The following BDP1 variants were observed in gnomAD, a reference collection of about 807,000 sequenced individuals.
The protein encoded by BDP1 is transcription factor TFIIIB component B'' homolog.
Under a neutral mutation model 266.6 loss-of-function variants are expected in BDP1, and 169 were observed. The observed-to-expected ratio is 0.63, with a 90% CI of 0.56 to 0.72. BDP1 has a LOEUF of 0.72. Among genes scored for constraint, BDP1 ranks in the 30% least tolerant of loss-of-function variants. The probability of loss-of-function intolerance (pLI) is 0.00; values close to 1 mark genes in which losing one functional copy is unlikely to be tolerated. For synonymous variants in BDP1, 1,090 were observed against 1,022.4 expected (o/e 1.07, Z -1.26); for missense variants, 3,015 against 3,053.8 (o/e 0.99, Z 0.30).
chr5:71,563,081 A>T (rs1262961675), intron 38 of BDP1, among the ~76,000 whole-genome samples: 3 of 152,146 alleles, frequency 2.0e-5, no homozygotes, highest in African/African-American at 7.2e-5. Context: ...TATTTGTTAG[A>T]ATTATTTTCT....
chr5:71,508,008 C>G (rs1352838758), intron 16 of BDP1, among the ~76,000 whole-genome samples: 1 of 152,260 alleles, frequency 6.6e-6, no homozygotes, highest in East Asian at 1.9e-4. Flanking sequence ...CTCTGTTGCC[C>G]AGGTGGAGTG....
chr5:71,554,158 A>G (rs1308862115), intron 35 of BDP1, among the ~76,000 whole-genome samples: 2 of 152,174 alleles, frequency 1.3e-5, no homozygotes, highest in African/African-American at 2.4e-5. Context: ...GTGTGCTTTT[A>G]TATATTTGGT....
chr5:71,571,432 G>A (rs1275594573), downstream of BDP1, among the ~76,000 whole-genome samples: 2 of 152,158 alleles, frequency 1.3e-5, no homozygotes, highest in Non-Finnish European at 2.9e-5. Context: ...ACAGGCCTGT[G>A]CCACCGCACC....
Position 71,541,495 on chromosome 5 carries a change from A to AGCC in BDP1, c.6065_6067dup (p.Ser2022_His2023insArg). 6.2e-7 allele frequency: 1 copy of AGCC among 1,601,626 alleles called. No individual in the cohort carries two copies. Among genetic ancestry groups the AGCC allele is most frequent in the Non-Finnish European group, 8.5e-7 (1 of 1,171,998 alleles). On this transcript the variant is annotated inframe_insertion, in exon 29 of 39. Coordinates refer to ENST00000358731, the MANE Select transcript of BDP1 (RefSeq NM_018429.3). Reference sequence around the variant, plus strand: ...TCCTCATGTTCATTCAAAGGATAAAAGCCATATTCCTTCTAGCCTAGATAA... The same window carrying AGCC: ...TCCTCATGTTCATTCAAAGGATAAAAGCCGCCATATTCCTTCTAGCCTAGATAA...
intron 15 of BDP1, among the ~76,000 whole-genome samples, chr5:71,504,302 C>G (rs142262696): frequency 2.0e-5 from 3 of 151,594 alleles, no homozygotes. Context: ...AAAAAATTCC[C>G]GTGATCTATA....
intron 32 of BDP1, 168 bp downstream of exon 32, chr5:71,545,387 A>G: frequency 2.9e-6 from 2 of 685,848 alleles, no homozygotes; most frequent in Non-Finnish European, 4.8e-6. Context: ...GCAAGAGTGC[A>G]GTGGTATGAT....
At chr5:71,466,501 A>G (rs573956580) in intron 5 of BDP1, among the ~76,000 whole-genome samples, 1 of 152,194 alleles carries the variant, frequency 6.6e-6, no homozygotes, top group South Asian at 2.1e-4. Context: ...TGAACTAATC[A>G]TATGCTGTCT....
At position 71,522,362 on chromosome 5, in the gene BDP1, T is replaced by G; in HGVS notation, c.5065T>G (p.Leu1689Val). The change falls in exon 23 of 39, where the codon TTG becomes GTG. Residue 1689 changes from leucine (L) to valine (V), a missense_variant. Around this residue, in one of 3 missense-constraint regions of BDP1, gnomAD observed 2,383 missense variants for 2,404.9 expected, o/e 0.99. Transcript: ENST00000358731. Reference sequence around the variant, plus strand: ...GAAATTCCAAAAGGCTAAGCCAAATTTGGGAAGAGCACACAGTAAGAAAGA... The same window carrying G: ...GAAATTCCAAAAGGCTAAGCCAAATGTGGGAAGAGCACACAGTAAGAAAGA... ...RRKFQKAKPN[L>V]GRAHSKKEEP... 1.2e-6 allele frequency: 2 copies of G among 1,613,870 alleles called. No homozygotes were observed. Among genetic ancestry groups the G allele is most frequent in the African/African-American group, 1.3e-5 (1 of 74,972 alleles).
chr5:71,553,239 G>C lies in BDP1; in HGVS notation c.7119G>C (p.Arg2373Ser). The change falls in exon 35 of 39, where the codon AGG becomes AGC. Residue 2373 changes from arginine (R) to serine (S), a missense_variant. Arg to Ser is a moderately radical substitution (Grantham distance 110, BLOSUM62 -1). Coordinates refer to ENST00000358731, the MANE Select transcript of BDP1 (RefSeq NM_018429.3). The part of the protein sequence containing the change: ...DLVSRKRFQC[R>S]LDKNDHIPPA... ...TATCTAGGAAGAGATTTCAATGCAG[G>C]CTTGATAAAAATGACCACATTCCTC... 1.2e-6 allele frequency: 2 copies of C among 1,613,306 alleles called. No homozygotes were observed. The highest frequency in any genetic ancestry group is 1.1e-5 in the South Asian group (1 of 91,046).
intron 6 of BDP1, among the ~76,000 whole-genome samples, chr5:71,467,941 G>C (rs116604020): frequency 1.3e-5 from 2 of 152,208 alleles, no homozygotes; most frequent in Admixed American, 1.3e-4. Context: ...TTGGGCTCAT[G>C]TGATCTTCCT....
chr5:71,498,834 G>A (rs954281527), intron 13 of BDP1, among the ~76,000 whole-genome samples: 4 of 146,284 alleles, frequency 2.7e-5, no homozygotes, highest in African/African-American at 7.6e-5. Context: ...AGCTATTCTT[G>A]TGCCTCAGCC....
chr5:71,533,754 G>C lies in BDP1; in HGVS notation c.5892+1327G>C, dbSNP rs372708661. 8.3e-4 allele frequency among the ~76,000 whole-genome samples: 127 copies of C among 152,102 alleles called. 3 individuals carry two copies. In the South Asian group the frequency reaches 0.025, roughly 30 times the overall value. ...GTTGGGATTACAGGCATGAGCCACT[G>C]TGTCTGGCTTGACTTTTTGGATCTA... On this transcript the variant is annotated intron_variant, in intron 26 of 38. Coordinates refer to ENST00000358731, the MANE Select transcript of BDP1 (RefSeq NM_018429.3).
chr5:71,522,631 A>C, intron 23 of BDP1, 125 bp from the exon 24 acceptor site: 1 of 1,195,782 alleles, frequency 8.4e-7, no homozygotes, highest in Admixed American at 2.6e-5. Flanking sequence ...CTAGTGTTGT[A>C]AAAGATGAGC....
At chr5:71,561,845 G>A (rs955241363) in intron 37 of BDP1, among the ~76,000 whole-genome samples, 1 of 152,206 alleles carries the variant, frequency 6.6e-6, no homozygotes, top group Admixed American at 6.5e-5. Context: ...GAATGCTAGA[G>A]ATGTTCTAGA....
At chr5:71,504,068 T>G (rs1042192653) in intron 15 of BDP1, among the ~76,000 whole-genome samples, 2 of 151,478 alleles carry the variant, frequency 1.3e-5, no homozygotes, top group African/African-American at 4.9e-5. Context: ...GTCAGGAGAT[T>G]GAGACCATCC....
chr5:71,575,718 G>A, the BDP1 span, among the ~76,000 whole-genome samples: 5 of 152,082 alleles, frequency 3.3e-5, no homozygotes, highest in African/African-American at 4.8e-5. Flanking sequence ...TAATCAAAGA[G>A]AACCTGTTTC....
chr5:71,553,074 C>T (rs1042929959), intron 34 of BDP1, 42 bp from the exon 35 acceptor site: 2 of 1,462,224 alleles, frequency 1.4e-6, no homozygotes, highest in African/African-American at 1.4e-5. Flanking sequence ...TGTTAAATAA[C>T]TTCTAATTCA....
chr5:71,519,362 G>A (rs930351731), intron 22 of BDP1, among the ~76,000 whole-genome samples: 7 of 152,056 alleles, frequency 4.6e-5, no homozygotes, highest in Non-Finnish European at 8.8e-5. Context: ...ATAAATGATT[G>A]TTAACTATAA....
intron 25 of BDP1, among the ~76,000 whole-genome samples, chr5:71,529,766 G>A (rs997698069): frequency 6.6e-6 from 1 of 152,170 alleles, no homozygotes; most frequent in Non-Finnish European, 1.5e-5. Flanking sequence ...GATGAATTTT[G>A]GAAACCTTAG....
Sources: gnomAD v4.1 joint callset for allele counts (sites outside exome capture counted in the v4.1 genomes callset) on GRCh38, gnomAD v4.1.1 for gene constraint, gnomAD v4.1.1 regional missense constraint, MANE v1.5 for transcripts, NCBI Gene and HGNC (gene_info 2026-07-23, HGNC 2026-07-21) for gene names.